DCX: variants seen among roughly 807,000 people sequenced by gnomAD.
DCX encodes doublecortin.
A neutral mutation model predicts 20.9 loss-of-function variants in DCX; 4 were observed. The ratio of observed to expected loss-of-function variants is 0.19; its 90% CI spans 0.09 to 0.44. The LOEUF (loss-of-function observed/expected upper bound fraction) is 0.44, where lower values mean the gene tolerates loss of function less well. Ranked by LOEUF, DCX falls within the 20% of genes least tolerant of loss-of-function variation. The pLI, the probability that DCX is intolerant of heterozygous loss-of-function variation, is 0.99. For missense variants in DCX, 133 were observed against 296.9 expected, an observed-to-expected ratio of 0.45 and a Z score of 4.06; for synonymous variants, 103 against 111.4, an observed-to-expected ratio of 0.92 and a Z score of 0.47.
chrX:111,370,750 T>A (rs948055029), intron 3 of DCX, among the ~76,000 whole-genome samples: 4 of 109,694 alleles, frequency 3.6e-5, no homozygotes, highest in African/African-American at 1.3e-4. Flanking sequence ...TTTTCAACCT[T>A]GGCTGGATGT....
chrX:111,389,659 A>G (rs1204408576), intron 3 of DCX, among the ~76,000 whole-genome samples: 1 of 111,769 alleles, frequency 8.9e-6, no homozygotes, highest in Non-Finnish European at 1.9e-5. Flanking sequence ...TTGAAGCAGC[A>G]GTGAGAAAGG....
chrX:111,355,348 A>G (rs1488184620), intron 3 of DCX, among the ~76,000 whole-genome samples: 1 of 111,303 alleles, frequency 9.0e-6, no homozygotes, highest in East Asian at 2.8e-4. Flanking sequence ...TGTTTTTAAA[A>G]TTCCAATGAA....
intron 5 of DCX, among the ~76,000 whole-genome samples, chrX:111,318,787 C>T (rs1012226812): frequency 9.1e-6 from 1 of 110,290 alleles, no homozygotes; most frequent in African/African-American, 3.3e-5. Context: ...GTCAATGGGG[C>T]CTAATTGAGG....
intron 5 of DCX, among the ~76,000 whole-genome samples, chrX:111,322,132 A>G (rs753871353): frequency 3.6e-5 from 4 of 112,068 alleles, no homozygotes; most frequent in Non-Finnish European, 7.5e-5. Flanking sequence ...TTCTGCAGTT[A>G]TTTTTAGAGC....
intron 6 of DCX, among the ~76,000 whole-genome samples, chrX:111,310,129 G>A (rs933129572): frequency 1.8e-5 from 2 of 111,981 alleles, no homozygotes; most frequent in Non-Finnish European, 3.8e-5. Flanking sequence ...TCAGGAAATC[G>A]AGACCATCCT....
At chrX:111,341,803 T>A (rs1219855452) in intron 3 of DCX, among the ~76,000 whole-genome samples, 1 of 110,853 alleles carries the variant, frequency 9.0e-6, no homozygotes, top group Non-Finnish European at 1.9e-5. Context: ...AGAAATAAAA[T>A]CATTTCCAGA....
intron 5 of DCX, among the ~76,000 whole-genome samples, chrX:111,322,494 T>C (rs1237011629): frequency 8.9e-6 from 1 of 112,357 alleles, no homozygotes; most frequent in Admixed American, 9.4e-5. Context: ...TCTAAGATTT[T>C]ATTCATTCCA....
intron 5 of DCX, among the ~76,000 whole-genome samples, chrX:111,321,306 C>A (rs1316954913): frequency 1.8e-5 from 2 of 111,890 alleles, no homozygotes; most frequent in Non-Finnish European, 3.8e-5. Flanking sequence ...CCTGTCAACC[C>A]TCTCAGTTGG....
chrX:111,304,936 G>A (rs2147577895), intron 6 of DCX, among the ~76,000 whole-genome samples: 1 of 111,765 alleles, frequency 8.9e-6, no homozygotes, highest in South Asian at 3.8e-4. Flanking sequence ...CCCTGTGCAA[G>A]CGGCAAGAGA....
intron 3 of DCX, among the ~76,000 whole-genome samples, chrX:111,346,974 G>T (rs1922876239): frequency 9.0e-6 from 1 of 111,565 alleles, no homozygotes; most frequent in Non-Finnish European, 1.9e-5. Context: ...ATATGGAGAT[G>T]TCTTACCTAT....
At chrX:111,321,992 C>G (rs1446971823) in intron 5 of DCX, among the ~76,000 whole-genome samples, 1 of 112,059 alleles carries the variant, frequency 8.9e-6, no homozygotes, top group Non-Finnish European at 1.9e-5. Flanking sequence ...ACATTTGAGC[C>G]CAACTCAAAA....
chrX:111,336,143 A>G lies in DCX; in HGVS notation c.706-2990T>C, dbSNP rs755957925. 6.3e-5 allele frequency among the ~76,000 whole-genome samples: 7 copies of G among 111,903 alleles called. No individual in the cohort carries two copies. In the East Asian group the frequency reaches 2.0e-3, roughly 32 times the overall value. ...ATTGCTTCCTAAGAAGAAAACCTAA[A>G]AGCTCCAAAGCAGCCATCTCAGACA... is the stretch of plus-strand genomic sequence containing the variant. On this transcript the variant is annotated intron_variant, in intron 3 of 6. Transcript: ENST00000636035.
intron 5 of DCX, among the ~76,000 whole-genome samples, chrX:111,322,211 T>C (rs1569487433): frequency 8.9e-6 from 1 of 111,837 alleles, no homozygotes; most frequent in East Asian, 2.8e-4. Flanking sequence ...GTATTACTAG[T>C]CTCCTTTCAA....
chrX:111,364,268 C>T (rs1216696746), intron 3 of DCX, among the ~76,000 whole-genome samples: 1 of 111,336 alleles, frequency 9.0e-6, no homozygotes, highest in Non-Finnish European at 1.9e-5. Flanking sequence ...ATTGGAAGGC[C>T]CTTATAATAC....
intron 3 of DCX, among the ~76,000 whole-genome samples, chrX:111,391,248 GCT>G (rs902011886): frequency 2.7e-5 from 3 of 110,490 alleles, no homozygotes; most frequent in Non-Finnish European, 5.7e-5. Flanking sequence ...CTTCCCCATT[GCT>G]CTCTCTCTCC....
chrX:111,357,742 G>A (rs896575574), intron 3 of DCX, among the ~76,000 whole-genome samples: 9 of 109,647 alleles, frequency 8.2e-5, no homozygotes, highest in African/African-American at 2.7e-4. Context: ...TGATCGCACC[G>A]CTGTACTCCA....
At chrX:111,329,302 A>G (rs2095106751) in intron 5 of DCX, among the ~76,000 whole-genome samples, 1 of 111,819 alleles carries the variant, frequency 8.9e-6, no homozygotes, top group Non-Finnish European at 1.9e-5. Context: ...CATTATCTAA[A>G]TGCTTGATTG....
chrX:111,341,263 G>T (rs2147652354), intron 3 of DCX, among the ~76,000 whole-genome samples: 1 of 109,221 alleles, frequency 9.2e-6, no homozygotes, highest in South Asian at 4.0e-4. Context: ...CCAAGCAGAA[G>T]AAAGGATATC....
intron 2 of DCX, among the ~76,000 whole-genome samples, chrX:111,407,957 G>A (rs1052083304): frequency 9.0e-6 from 1 of 111,153 alleles, no homozygotes; most frequent in Non-Finnish European, 1.9e-5. Context: ...AATGTCACTT[G>A]GTTCAGTACT....
Sources: allele counts gnomAD v4.1 joint callset (sites outside exome capture counted in the v4.1 genomes callset), GRCh38; gene constraint gnomAD v4.1.1; transcripts MANE v1.5; gene names NCBI Gene and HGNC (gene_info 2026-07-23, HGNC 2026-07-21).